The following SHISA6 variants were observed in gnomAD, a reference collection of about 807,000 sequenced individuals.
SHISA6 encodes shisa family member 6, also known as protein shisa-6.
In SHISA6, 22 loss-of-function variants were observed where a neutral mutation model predicts 47.9. The observed-to-expected ratio is 0.46, with a 90% CI of 0.33 to 0.66. The LOEUF (loss-of-function observed/expected upper bound fraction) is 0.66, where lower values mean the gene tolerates loss of function less well. SHISA6 is among the 30% of genes least tolerant of loss of function. The pLI, the probability that SHISA6 is intolerant of heterozygous loss-of-function variation, is 0.02. For synonymous variants in SHISA6, 388 were observed against 337.8 expected, an observed-to-expected ratio of 1.15 and a Z score of -1.63; for missense variants, 680 against 764.6, an observed-to-expected ratio of 0.89 and a Z score of 1.30.
chr17:11,387,676 T>C lies in SHISA6; in HGVS notation c.895+8167T>C, dbSNP rs75391277. ...CTGGAATTGGTGGGGGATGTGAGAG[T>C]AGAAGATTTTTGAGGAGTGTGACTT... On this transcript the variant is annotated intron_variant, in intron 3 of 5. Coordinates refer to ENST00000441885, the MANE Select transcript of SHISA6 (RefSeq NM_207386.4). Among the ~76,000 whole-genome samples the C allele has an allele frequency of 5.9e-5, 9 of 151,818 alleles. No individual in the cohort carries two copies. In the East Asian group the frequency reaches 1.7e-3, roughly 30 times the overall value.
intron 3 of SHISA6, among the ~76,000 whole-genome samples, chr17:11,539,994 CAG>C (rs1482079030): frequency 6.6e-6 from 1 of 152,156 alleles, no homozygotes; most frequent in East Asian, 1.9e-4. Flanking sequence ...TCGACAAAAT[CAG>C]AGAATTGTTA....
At chr17:11,293,213 C>A (rs879876454) in intron 2 of SHISA6, among the ~76,000 whole-genome samples, 46 of 152,076 alleles carry the variant, frequency 3.0e-4, no homozygotes, top group Non-Finnish European at 6.5e-4. Context: ...TAAAGATGGC[C>A]AATATGGAAT....
At chr17:11,452,388 C>A (rs1352535448) in intron 3 of SHISA6, among the ~76,000 whole-genome samples, 1 of 152,146 alleles carries the variant, frequency 6.6e-6, no homozygotes, top group Non-Finnish European at 1.5e-5. Flanking sequence ...GTCCTGTTTC[C>A]TCTCTTTAAT....
chr17:11,318,124 G>A (rs1910585736), intron 2 of SHISA6, among the ~76,000 whole-genome samples: 1 of 45,082 alleles, frequency 2.2e-5, no homozygotes, highest in African/African-American at 8.6e-5. Flanking sequence ...TAATCACAGT[G>A]CCATTATCAC....
At chr17:11,377,605 G>A (rs942851269) in intron 2 of SHISA6, among the ~76,000 whole-genome samples, 4 of 152,204 alleles carry the variant, frequency 2.6e-5, no homozygotes, top group African/African-American at 9.6e-5. Flanking sequence ...TCAGGTTTGA[G>A]ATCTGGGGTA....
chr17:11,536,262 A>G (rs2969212), intron 3 of SHISA6, among the ~76,000 whole-genome samples: 74,023 of 151,958 alleles, frequency 0.49, 18,310 homozygotes, highest in East Asian at 0.61. Context: ...GGGTAGATGC[A>G]GGGATAGCTA....
At chr17:11,341,115 C>T (rs1383358647) in intron 2 of SHISA6, among the ~76,000 whole-genome samples, 7 of 152,158 alleles carry the variant, frequency 4.6e-5, no homozygotes, top group South Asian at 2.1e-4. Flanking sequence ...CTGAGATGCA[C>T]CCACTCTCAT....
At chr17:11,388,845 A>T (rs1396806949) in intron 3 of SHISA6, among the ~76,000 whole-genome samples, 169 of 107,612 alleles carry the variant, frequency 1.6e-3, no homozygotes, top group African/African-American at 5.2e-3. Context: ...TATATATTTT[A>T]AAAAAGGTAA....
intron 4 of SHISA6, among the ~76,000 whole-genome samples, chr17:11,552,172 T>C (rs2071937536): frequency 6.6e-6 from 1 of 152,210 alleles, no homozygotes; most frequent in African/African-American, 2.4e-5. Context: ...ATCAGAATGA[T>C]CTCTTGACAT....
chr17:11,326,833 C>T (rs1910912887), intron 2 of SHISA6, among the ~76,000 whole-genome samples: 1 of 152,182 alleles, frequency 6.6e-6, no homozygotes, highest in African/African-American at 2.4e-5. Flanking sequence ...TTCCCAGTGT[C>T]CCAGAGTAGG....
chr17:11,436,751 A>G (rs1215630143), intron 3 of SHISA6, among the ~76,000 whole-genome samples: 4 of 152,214 alleles, frequency 2.6e-5, no homozygotes, highest in Non-Finnish European at 5.9e-5. Context: ...AATATTACTT[A>G]TCCATAACTT....
At chr17:11,457,217 G>A (rs1244412881) in intron 3 of SHISA6, among the ~76,000 whole-genome samples, 2 of 152,068 alleles carry the variant, frequency 1.3e-5, no homozygotes, top group East Asian at 1.9e-4. Flanking sequence ...TACCCATTCC[G>A]TAGCTCCCCA....
intron 2 of SHISA6, among the ~76,000 whole-genome samples, chr17:11,312,126 A>AT (rs968139670): frequency 4.6e-5 from 7 of 151,580 alleles, no homozygotes; most frequent in African/African-American, 1.7e-4. Flanking sequence ...CGCTTTACTT[A>AT]TTTTTTTTGG....
chr17:11,247,262 G>A (rs565309174), intron 1 of SHISA6, among the ~76,000 whole-genome samples: 60 of 152,284 alleles, frequency 3.9e-4, no homozygotes, highest in African/African-American at 9.6e-4. Flanking sequence ...CTACGGATCC[G>A]GAATAAAAGG....
At chr17:11,554,330 T>C (rs1281340250) in intron 4 of SHISA6, among the ~76,000 whole-genome samples, 1 of 152,096 alleles carries the variant, frequency 6.6e-6, no homozygotes, top group Admixed American at 6.5e-5. Flanking sequence ...TGTCCTGAGC[T>C]GGCATGAACA....
intron 3 of SHISA6, among the ~76,000 whole-genome samples, chr17:11,495,340 T>C (rs1221766422): frequency 6.6e-6 from 1 of 152,130 alleles, no homozygotes; most frequent in Non-Finnish European, 1.5e-5. Flanking sequence ...GTTCATAGAC[T>C]AAGCTGCATT....
At chr17:11,280,714 G>A (rs1482259655) in intron 2 of SHISA6, among the ~76,000 whole-genome samples, 3 of 152,210 alleles carry the variant, frequency 2.0e-5, no homozygotes, top group Non-Finnish European at 4.4e-5. Flanking sequence ...AGATAGGAAT[G>A]GGTTGATTTA....
intron 4 of SHISA6, 22 bp from the exon 5 acceptor site, chr17:11,555,718 A>G: frequency 6.6e-7 from 1 of 1,513,782 alleles, no homozygotes; most frequent in Non-Finnish European, 8.8e-7. Flanking sequence ...TTAATACAAA[A>G]CACCCCTCCC....
At chr17:11,329,591 C>G (rs1023860707) in intron 2 of SHISA6, among the ~76,000 whole-genome samples, 1 of 152,022 alleles carries the variant, frequency 6.6e-6, no homozygotes, top group African/African-American at 2.4e-5. Flanking sequence ...GGCAGAGTCT[C>G]CACGCGAGTA....
Sources: gnomAD v4.1 joint callset for allele counts (sites outside exome capture counted in the v4.1 genomes callset) on GRCh38, gnomAD v4.1.1 for gene constraint, MANE v1.5 for transcripts, NCBI Gene and HGNC (gene_info 2026-07-23, HGNC 2026-07-21) for gene names.